Variants in ZBTB46 observed in about 807,000 individuals in gnomAD.
The protein encoded by ZBTB46 is zinc finger and BTB domain-containing protein 46.
Under a neutral mutation model 44.1 loss-of-function variants are expected in ZBTB46, and 8 were observed. The observed-to-expected ratio is 0.18, with a 90% CI of 0.11 to 0.33. The LOEUF (loss-of-function observed/expected upper bound fraction) is 0.33, where lower values mean the gene tolerates loss of function less well. Ranked by LOEUF, ZBTB46 falls within the 10% of genes least tolerant of loss-of-function variation. The probability of loss-of-function intolerance (pLI) is 1.00; values close to 1 mark genes in which losing one functional copy is unlikely to be tolerated. For missense variants in ZBTB46, 651 were observed against 847.7 expected, an observed-to-expected ratio of 0.77 and a Z score of 2.88; for synonymous variants, 409 against 382.3, an observed-to-expected ratio of 1.07 and a Z score of -0.81.
At chr20:63,756,215 C>A (rs776279051) in intron 3 of ZBTB46, among the ~76,000 whole-genome samples, 34 of 152,194 alleles carry the variant, frequency 2.2e-4, no homozygotes, top group Non-Finnish European at 4.4e-4. Context: ...TCGGACCTGT[C>A]CTAAATAGCC....
At chr20:63,771,672 G>T (rs1160105316) in intron 3 of ZBTB46, among the ~76,000 whole-genome samples, 1 of 152,160 alleles carries the variant, frequency 6.6e-6, no homozygotes, top group Admixed American at 6.5e-5. Context: ...TTCCCTGGAC[G>T]CAGGCGCTGG....
At chr20:63,804,601 C>A (rs2092669715) in intron 1 of ZBTB46, among the ~76,000 whole-genome samples, 1 of 152,074 alleles carries the variant, frequency 6.6e-6, no homozygotes, top group African/African-American at 2.4e-5. Flanking sequence ...GTCAACAAAA[C>A]TACAGTACCA....
chr20:63,821,842 A>G (rs201198777), intron 1 of ZBTB46, among the ~76,000 whole-genome samples: 2 of 152,198 alleles, frequency 1.3e-5, no homozygotes, highest in African/African-American at 4.8e-5. Flanking sequence ...GAAAAAAACA[A>G]CAGCCACTGT....
In ZBTB46 at chr20:63,790,143, G is replaced by A. The variant is rs139982660; in HGVS notation, c.615C>T (p.Ala205=). The A allele has an allele frequency of 2.0e-5, 33 of 1,613,784 alleles. No individual in the cohort carries two copies. The highest frequency in any genetic ancestry group is 1.6e-4 in the Middle Eastern group (1 of 6,084). ...SYGKEDQEPK[A]DGPDDVSSQP... is the part of the protein sequence containing the mutation. ...GTGAAGAAACATCATCAGGGCCATC[G>A]GCCTTGGGCTCCTGATCCTCTTTCC... is the stretch of plus-strand genomic sequence containing the variant. The change falls in exon 2 of 5, where the codon GCC becomes GCT. Residue 205 remains alanine (A), a synonymous_variant. Coordinates refer to ENST00000245663, the MANE Select transcript of ZBTB46 (RefSeq NM_001369741.1).
At chr20:63,810,979 C>T (rs1048545700) in intron 1 of ZBTB46, among the ~76,000 whole-genome samples, 1 of 152,232 alleles carries the variant, frequency 6.6e-6, no homozygotes, top group African/African-American at 2.4e-5. Context: ...CTACGAGGAG[C>T]TCCAGCGGCA....
intron 1 of ZBTB46, among the ~76,000 whole-genome samples, chr20:63,826,724 CAAAA>C (rs2092821610): frequency 6.6e-6 from 1 of 152,138 alleles, no homozygotes; most frequent in South Asian, 2.1e-4. Context: ...GACTCCCTCT[CAAAA>C]AAAGAAATGC....
rs2092179322 is a variant in ZBTB46, at chr20:63,752,599, G to C, written c.1398+87C>G. 1 of 1,403,616 alleles carries C rather than the reference G, an allele frequency of 7.1e-7. No homozygotes were observed. The highest frequency in any genetic ancestry group is 2.7e-5 in the Admixed American group (1 of 36,786). The allele number at this position is 1,403,616 out of a possible 1,614,324, so 86.9% of individuals were successfully genotyped here. On this transcript the variant is annotated intron_variant, in intron 4 of 4. Coordinates refer to ENST00000245663, the MANE Select transcript of ZBTB46 (RefSeq NM_001369741.1). This position sits in a 1 kb window ranked among gnomAD's most constrained non-coding sequence, Gnocchi z 5.6. ...CAGAGTGGACCCGGTGTGGGGTCCG[G>C]GGCGGTCTGCGCCCTCATCAGGACC...
chr20:63,802,648 CA>C (rs1426146686), intron 1 of ZBTB46, among the ~76,000 whole-genome samples: 1 of 128,190 alleles, frequency 7.8e-6, no homozygotes, highest in Non-Finnish European at 1.6e-5. Context: ...GGTGGGCCGA[CA>C]ACCGAACCTC....
At chr20:63,810,476 T>C (rs1361931369) in intron 1 of ZBTB46, among the ~76,000 whole-genome samples, 2 of 152,218 alleles carry the variant, frequency 1.3e-5, no homozygotes, top group East Asian at 3.9e-4. Context: ...TCCTTATTCA[T>C]AAAACACAAA....
intron 2 of ZBTB46, among the ~76,000 whole-genome samples, chr20:63,786,656 C>G (rs867860028): frequency 6.6e-6 from 1 of 152,048 alleles, no homozygotes; most frequent in African/African-American, 2.4e-5. Flanking sequence ...GGACTACAGG[C>G]GCGCACCACC....
At chr20:63,751,303 C>A (rs978133908) in intron 4 of ZBTB46, among the ~76,000 whole-genome samples, 27 of 152,316 alleles carry the variant, frequency 1.8e-4, no homozygotes, top group African/African-American at 6.0e-4. Flanking sequence ...GGGCCCCCTC[C>A]CAGGACTGTT....
chr20:63,791,294 G>C (rs988264119), intron 1 of ZBTB46, among the ~76,000 whole-genome samples: 3 of 152,042 alleles, frequency 2.0e-5, no homozygotes, highest in Non-Finnish European at 4.4e-5. Context: ...AGGAGATCGA[G>C]ACCATCCTGG....
At chr20:63,755,561 G>GCAAGACCTTTTTCCAAAGAGTCACATCCA (rs2092213153) in intron 3 of ZBTB46, among the ~76,000 whole-genome samples, 2 of 152,214 alleles carry the variant, frequency 1.3e-5, no homozygotes, top group Admixed American at 1.3e-4. Context: ...TATCACATCT[G>GCAAGACCTTTTTCCAAAGAGTCACATCCA]CAAGACCTTT....
chr20:63,831,770 G>A (rs888786641), upstream of ZBTB46, among the ~76,000 whole-genome samples: 1 of 151,144 alleles, frequency 6.6e-6, no homozygotes, highest in Non-Finnish European at 1.5e-5. Context: ...CGGGTGCCCA[G>A]GTCACCGGCC....
Position 63,744,466 on chromosome 20 carries a change from C to T in ZBTB46, c.*2464G>A, listed in dbSNP as rs1297309840. On this transcript the variant is annotated 3_prime_UTR_variant, in exon 5 of 5. Transcript: ENST00000245663. The stretch of plus-strand genomic sequence containing the variant: ...TTTCCCACTTTGGTGTTGTAAACAC[C>T]AAAATACAAACAGACACAAACAAAA... The T allele has an allele frequency of 6.6e-6, 1 of 151,886 alleles. No homozygotes were observed. The highest frequency in any genetic ancestry group is 2.4e-5 in the African/African-American group (1 of 41,248). The allele number at this position is 151,886 out of a possible 1,614,324, so 9.4% of individuals were successfully genotyped here.
At chr20:63,773,753 G>A (rs1039252468) in intron 3 of ZBTB46, among the ~76,000 whole-genome samples, 2 of 152,030 alleles carry the variant, frequency 1.3e-5, no homozygotes, top group African/African-American at 2.4e-5. Context: ...ACGGGCATGC[G>A]CCGCTGGCCG....
At chr20:63,779,445 A>G (rs1326045673) in intron 2 of ZBTB46, among the ~76,000 whole-genome samples, 36 of 87,852 alleles carry the variant, frequency 4.1e-4, no homozygotes, top group Admixed American at 1.0e-3. Context: ...TTTGAGACGG[A>G]GTCTTGCTCT....
At chr20:63,819,098 G>A (rs1003823204) in intron 1 of ZBTB46, among the ~76,000 whole-genome samples, 2 of 151,980 alleles carry the variant, frequency 1.3e-5, no homozygotes, top group African/African-American at 4.8e-5. Context: ...GCTTGAACCC[G>A]GGAGATGGAG....
At chr20:63,755,424 C>T (rs1482758784) in intron 3 of ZBTB46, among the ~76,000 whole-genome samples, 1 of 152,240 alleles carries the variant, frequency 6.6e-6, no homozygotes, top group Non-Finnish European at 1.5e-5. Flanking sequence ...CGCATCGCTC[C>T]AGTCTCTGCC....
Sources: gnomAD v4.1 joint callset for allele counts (sites outside exome capture counted in the v4.1 genomes callset) on GRCh38, gnomAD v4.1.1 for gene constraint, Gnocchi (gnomAD v3.1) non-coding constraint, MANE v1.5 for transcripts, NCBI Gene and HGNC (gene_info 2026-07-23, HGNC 2026-07-21) for gene names.